The following SLC4A7 variants were observed in gnomAD, a reference collection of about 807,000 sequenced individuals.
SLC4A7 encodes the protein sodium bicarbonate cotransporter 3.
SLC4A7 carries 51 observed loss-of-function variants against 137.6 expected under a neutral mutation model. That is an observed-to-expected ratio of 0.37 (90% CI 0.30 to 0.47). The LOEUF (loss-of-function observed/expected upper bound fraction) is 0.47, where lower values mean the gene tolerates loss of function less well. Ranked by LOEUF, SLC4A7 falls within the 20% of genes least tolerant of loss-of-function variation. The pLI is 1.00. For missense variants in SLC4A7, 1,247 were observed against 1,525.4 expected (o/e 0.82, Z 3.04); for synonymous variants, 542 against 518.6 (o/e 1.05, Z -0.61).
intron 1 of SLC4A7, among the ~76,000 whole-genome samples, chr3:27,470,910 C>T (rs2059218120): frequency 6.6e-6 from 1 of 152,090 alleles, no homozygotes; most frequent in Non-Finnish European, 1.5e-5. Flanking sequence ...CCACTGCACT[C>T]CAGCCTAGTG....
At chr3:27,381,623 T>G (rs1328624308) in intron 24 of SLC4A7, among the ~76,000 whole-genome samples, 2 of 151,842 alleles carry the variant, frequency 1.3e-5, no homozygotes, top group Non-Finnish European at 2.9e-5. Context: ...AATCAACATG[T>G]ACAAGTCAAA....
chr3:27,459,324 C>T lies in SLC4A7; in HGVS notation c.61-6826G>A, dbSNP rs1256662963. 2.6e-5 allele frequency among the ~76,000 whole-genome samples: 4 copies of T among 152,224 alleles called. 1 individual carries two copies. In the South Asian group the frequency reaches 6.2e-4, roughly 24 times the overall value. On this transcript the variant is annotated intron_variant, in intron 1 of 25. Transcript: ENST00000454389. ...CCATTTAACACTATCATGGACACTA[C>T]CAAACCAATATTCCAATAAAATTTT...
intron 3 of SLC4A7, among the ~76,000 whole-genome samples, chr3:27,446,885 G>GTTTTTTTT (rs796773901): frequency 2.5e-4 from 9 of 35,760 alleles, no homozygotes; most frequent in South Asian, 1.8e-3. Flanking sequence ...GTTTTTTTTT[G>GTTTTTTTT]TTTTTTTTGT....
intron 1 of SLC4A7, among the ~76,000 whole-genome samples, chr3:27,455,504 T>C (rs1301066380): frequency 6.6e-6 from 1 of 152,114 alleles, no homozygotes; most frequent in Non-Finnish European, 1.5e-5. Flanking sequence ...CAAGTTAAAA[T>C]ATGAATTTAT....
At position 27,420,723 on chromosome 3, in the gene SLC4A7, T is replaced by C. The variant is rs370132387; in HGVS notation, c.1489A>G (p.Ile497Val). Residue 497 changes from isoleucine (I) to valine (V), a missense_variant, in exon 10 of 26, where the codon ATA (isoleucine) becomes GTA (valine). Around this residue, in one of 6 missense-constraint regions of SLC4A7, gnomAD observed 499 missense variants for 664.2 expected, o/e 0.75. Transcript: ENST00000454389. ...ACCTCATCTGTCATGAGAGTGGCTA[T>C]TGATCGTCCAATTTCATGGTACTGT... The part of the protein sequence containing the change: ...APQYHEIGRS[I>V]ATLMTDEIFH... The C allele has an allele frequency of 3.1e-5, 50 of 1,613,220 alleles. No homozygotes were observed. Among genetic ancestry groups the C allele is most frequent in the South Asian group, 1.8e-4 (16 of 91,040 alleles).
chr3:27,393,934 T>C (rs574549456), intron 20 of SLC4A7, among the ~76,000 whole-genome samples: 3 of 152,316 alleles, frequency 2.0e-5, no homozygotes, highest in African/African-American at 4.8e-5. Flanking sequence ...GACTCCTTTA[T>C]ACTCTTAAAA....
intron 24 of SLC4A7, among the ~76,000 whole-genome samples, chr3:27,382,151 G>C (rs953704439): frequency 3.3e-5 from 5 of 151,790 alleles, no homozygotes; most frequent in Non-Finnish European, 7.4e-5. Flanking sequence ...ACTGAGTCTT[G>C]CTCTGTTGCC....
chr3:27,411,445 T>A (rs559857938), intron 12 of SLC4A7, among the ~76,000 whole-genome samples, 197 bp downstream of exon 12: 74 of 151,750 alleles, frequency 4.9e-4, no homozygotes, highest in African/African-American at 1.1e-3. Flanking sequence ...TAAAGCTTGA[T>A]ACATACTATT....
chr3:27,377,094 A>G (rs998651545), intron 25 of SLC4A7, among the ~76,000 whole-genome samples: 3 of 152,040 alleles, frequency 2.0e-5, no homozygotes, highest in Admixed American at 6.5e-5. Flanking sequence ...TTACAACTAA[A>G]GAGGGGGTCC....
chr3:27,456,714 T>C (rs923924444), intron 1 of SLC4A7: 4 of 1,608,954 alleles, frequency 2.5e-6, no homozygotes, highest in African/African-American at 2.7e-5. Flanking sequence ...TTTCTGATGA[T>C]GTAATGCAGT....
At chr3:27,451,971 A>T (rs1418035466) in intron 2 of SLC4A7, among the ~76,000 whole-genome samples, 1 of 152,144 alleles carries the variant, frequency 6.6e-6, no homozygotes, top group Non-Finnish European at 1.5e-5. Context: ...AGGAAGAAAG[A>T]TGGGCAAATA....
At chr3:27,482,925 C>T (rs2059777011) in intron 1 of SLC4A7, among the ~76,000 whole-genome samples, 1 of 152,140 alleles carries the variant, frequency 6.6e-6, no homozygotes, top group Admixed American at 6.5e-5. Flanking sequence ...TATGAACGTA[C>T]TGAACTAATG....
chr3:27,383,063 T>C (rs889650790), intron 24 of SLC4A7, 90 bp downstream of exon 24: 6 of 777,122 alleles, frequency 7.7e-6, no homozygotes, highest in Middle Eastern at 2.3e-4. Context: ...TTTTATAAAA[T>C]AGAAATCATC....
intron 21 of SLC4A7, among the ~76,000 whole-genome samples, chr3:27,390,869 G>C (rs1004028107): frequency 3.9e-5 from 6 of 152,088 alleles, no homozygotes; most frequent in Non-Finnish European, 7.4e-5. Context: ...TGTCACCCAG[G>C]CTGGAATGCA....
intron 2 of SLC4A7, among the ~76,000 whole-genome samples, 182 bp from the exon 3 acceptor site, chr3:27,448,979 T>A (rs1044420578): frequency 6.6e-6 from 1 of 152,246 alleles, no homozygotes; most frequent in African/African-American, 2.4e-5. Flanking sequence ...AGGGCTAATA[T>A]CACTGACAGA....
rs1383351720 is a variant in SLC4A7 at position 27,374,593 on chromosome 3, G to A, written c.*2171C>T. On this transcript the variant is annotated 3_prime_UTR_variant, in exon 26 of 26. Coordinates refer to ENST00000454389, the MANE Select transcript of SLC4A7 (RefSeq NM_001321103.2). ...TTGTCAGTCAAGTAGTCAAAAGAAA[G>A]CAGAAACCAGTAACATTTAGAAGCA... The A allele has an allele frequency of 6.6e-6, 1 of 152,474 alleles. No homozygotes were observed. Among genetic ancestry groups the A allele is most frequent in the Admixed American group, 6.6e-5 (1 of 15,266 alleles). The allele number at this position is 152,474 out of a possible 1,614,324, so 9.4% of individuals were successfully genotyped here. A position where few individuals can be genotyped will look rare whatever the true frequency, so the allele number is the denominator to read the frequency against.
In SLC4A7 at chr3:27,473,793, C is replaced by T. The variant is rs184465306; in HGVS notation, c.60+10274G>A. Among the ~76,000 whole-genome samples, 5 of 146,546 alleles carry T rather than the reference C, an allele frequency of 3.4e-5. No individual in the cohort carries two copies. In the East Asian group the frequency reaches 6.0e-4, roughly 18 times the overall value. ...CATAGTTATTCTCGAAATTTGTGAA[C>T]ATCTTTTAAGTTATCTAATAATACA... On this transcript the variant is annotated intron_variant, in intron 1 of 25. Coordinates refer to ENST00000454389, the MANE Select transcript of SLC4A7 (RefSeq NM_001321103.2).
intron 23 of SLC4A7, among the ~76,000 whole-genome samples, chr3:27,383,646 C>CATTT (rs1263012407): frequency 4.6e-5 from 7 of 152,110 alleles, no homozygotes; most frequent in Admixed American, 1.3e-4. Flanking sequence ...GCAATACTGA[C>CATTT]ATTTAGGGTA....
In SLC4A7 at chr3:27,394,724, A is replaced by C; in HGVS notation, c.2911T>G (p.Leu971Val). Reference sequence around the variant, plus strand: ...AGTCCCATGACAGAGCAAACTCCCAACATAACGCCAACCATGAGCAAATCA... The same window carrying C: ...AGTCCCATGACAGAGCAAACTCCCACCATAACGCCAACCATGAGCAAATCA... ...HLDLLMVGVM[L>V]GVCSVMGLPW... The change falls in exon 20 of 26, where the codon TTG becomes GTG. Residue 971 changes from leucine (L) to valine (V), a missense_variant. Transcript: ENST00000454389. 6.2e-7 allele frequency: 1 copy of C among 1,614,194 alleles called. No individual in the cohort carries two copies. The highest frequency in any genetic ancestry group is 1.1e-5 in the South Asian group (1 of 91,082).
Sources: gnomAD v4.1 joint callset for allele counts (sites outside exome capture counted in the v4.1 genomes callset) on GRCh38, gnomAD v4.1.1 for gene constraint, gnomAD v4.1.1 regional missense constraint, MANE v1.5 for transcripts, NCBI Gene and HGNC (gene_info 2026-07-23, HGNC 2026-07-21) for gene names.